ADGRD1: variants seen among roughly 807,000 people sequenced by gnomAD.
ADGRD1 encodes G-protein coupled receptor 133.
In ADGRD1, 77 loss-of-function variants were observed where a neutral mutation model predicts 113.4. The observed-to-expected ratio is 0.68, with a 90% CI of 0.57 to 0.82. The LOEUF (loss-of-function observed/expected upper bound fraction) is 0.82, where lower values mean the gene tolerates loss of function less well. Among genes scored for constraint, ADGRD1 ranks in the 40% least tolerant of loss-of-function variants. The pLI, the probability that ADGRD1 is intolerant of heterozygous loss-of-function variation, is 0.00. For synonymous variants in ADGRD1, 474 were observed against 475.0 expected (o/e 1.00, Z 0.03); for missense variants, 1,036 against 1,139.1 (o/e 0.91, Z 1.30).
chr12:131,018,996 C>G (rs970542155), intron 13 of ADGRD1, among the ~76,000 whole-genome samples: 16 of 152,202 alleles, frequency 1.1e-4, no homozygotes, highest in Non-Finnish European at 1.9e-4. Flanking sequence ...GACTCGTAGG[C>G]CTCCGGTTCA....
intron 13 of ADGRD1, among the ~76,000 whole-genome samples, chr12:131,031,467 C>T (rs1362262135): frequency 6.6e-6 from 1 of 152,088 alleles, no homozygotes; most frequent in Non-Finnish European, 1.5e-5. Context: ...AATGCAGTCC[C>T]TCACCCATGC....
In ADGRD1 at chr12:130,966,727, T is replaced by A; in HGVS notation, c.187+181T>A. On this transcript the variant is annotated intron_variant, in intron 3 of 24. Transcript: ENST00000261654. The surrounding 1 kb of genome is among the most constrained non-coding windows in gnomAD (Gnocchi z 4.6). Reference sequence around the variant, plus strand: ...GGGAGCAGATGTGGACACAATCTGCTTTGAAGCCACGGTGATAGAGATGAA... The same window carrying A: ...GGGAGCAGATGTGGACACAATCTGCATTGAAGCCACGGTGATAGAGATGAA... 1.7e-6 allele frequency: 1 copy of A among 599,926 alleles called. No individual in the cohort carries two copies. Among genetic ancestry groups the A allele is most frequent in the Admixed American group, 2.9e-5 (1 of 34,304 alleles). 37.2% of individuals were successfully genotyped at this position (599,926 alleles called of 1,614,324 possible).
At position 131,057,525 on chromosome 12, in the gene ADGRD1, A is replaced by G. The variant is rs1316758302; in HGVS notation, c.1474-19276A>G. On this transcript the variant is annotated intron_variant, in intron 13 of 24. Transcript: ENST00000261654. The surrounding 1 kb of genome is among the most constrained non-coding windows in gnomAD (Gnocchi z 4.2). The stretch of plus-strand genomic sequence containing the variant: ...TAGTTCGTTCTGGAGGCTCAGCGGG[A>G]ACGTCCACCCCTGCCTGTCTCCTAG... Among the ~76,000 whole-genome samples the G allele has an allele frequency of 6.6e-6, 1 of 152,096 alleles. No individual in the cohort carries two copies. The highest frequency in any genetic ancestry group is 6.6e-5 in the Admixed American group (1 of 15,266).
At chr12:131,138,058 T>G (rs777109755) in intron 23 of ADGRD1, 79 bp from the exon 24 acceptor site, 39 of 1,148,360 alleles carry the variant, frequency 3.4e-5, no homozygotes, top group Non-Finnish European at 5.0e-5. Flanking sequence ...GGTTCCGGAG[T>G]TGCACCGGCA....
intron 4 of ADGRD1, among the ~76,000 whole-genome samples, chr12:130,981,584 ACCTTGAGTGAATGAG>A (rs942464659): frequency 1.3e-5 from 2 of 152,116 alleles, no homozygotes; most frequent in Non-Finnish European, 2.9e-5. Context: ...GTCACTGGTG[ACCTTGAGTGAATGAG>A]CCTCAGTTCC....
At chr12:131,040,823 G>A (rs1882057517) in intron 13 of ADGRD1, among the ~76,000 whole-genome samples, 1 of 152,236 alleles carries the variant, frequency 6.6e-6, no homozygotes, top group African/African-American at 2.4e-5. Context: ...CCGGGCAGTG[G>A]TCTTTGCACC....
chr12:130,980,136 G>C (rs538203667), intron 4 of ADGRD1, among the ~76,000 whole-genome samples: 12 of 151,484 alleles, frequency 7.9e-5, no homozygotes, highest in African/African-American at 2.9e-4. Flanking sequence ...ACGGAGTCTC[G>C]CTCTGTCGCC....
At chr12:130,955,335 GCCTCAGAGTGCTGA>G (rs369767849) in intron 2 of ADGRD1, among the ~76,000 whole-genome samples, 173 of 152,192 alleles carry the variant, frequency 1.1e-3, no homozygotes, top group African/African-American at 4.0e-3. Flanking sequence ...GGGACCTCCA[GCCTCAGAGTGCTGA>G]CCAGCTTAGC....
intron 13 of ADGRD1, chr12:131,030,629 G>T (rs948763243): frequency 7.2e-5 from 11 of 152,262 alleles, no homozygotes; most frequent in Non-Finnish European, 1.5e-4. Context: ...GCACATCGGG[G>T]CAGGTGAGGG....
At chr12:131,132,112 C>T (rs1420337708) in intron 21 of ADGRD1, among the ~76,000 whole-genome samples, 2 of 152,166 alleles carry the variant, frequency 1.3e-5, no homozygotes, top group African/African-American at 4.8e-5. Context: ...GGGGCGGCAA[C>T]GGGGAAGATT....
chr12:131,067,140 C>T (rs1310861972), intron 13 of ADGRD1, among the ~76,000 whole-genome samples: 1 of 152,048 alleles, frequency 6.6e-6, no homozygotes, highest in African/African-American at 2.4e-5. Flanking sequence ...GACAGAGTGG[C>T]CACTAACTGA....
chr12:130,971,398 CT>C lies in ADGRD1; in HGVS notation c.188-58del. 6.8e-7 allele frequency: 1 copy of C among 1,477,004 alleles called. No individual in the cohort carries two copies. The highest frequency in any genetic ancestry group is 1.8e-5 in the Admixed American group (1 of 55,680). 91.5% of individuals were successfully genotyped at this position (1,477,004 alleles called of 1,614,324 possible). A position where few individuals can be genotyped will look rare whatever the true frequency, so the allele number is the denominator to read the frequency against. On this transcript the variant is annotated intron_variant, in intron 3 of 24. Transcript: ENST00000261654. This position sits in a 1 kb window ranked among gnomAD's most constrained non-coding sequence, Gnocchi z 4.2. ...AGTTATTTGTAGGTCTGACACACAT[CT>C]TCAGACTTTTAATCTCGGAAGGTTA... is the stretch of plus-strand genomic sequence containing the variant.
chr12:130,985,154 C>T (rs553411401), intron 5 of ADGRD1, among the ~76,000 whole-genome samples: 1 of 150,680 alleles, frequency 6.6e-6, no homozygotes, highest in African/African-American at 2.4e-5. Context: ...CCAGGCTGGT[C>T]TCAAACTCCT....
Position 131,035,201 on chromosome 12 carries a change from C to T in ADGRD1, c.1473+20861C>T, listed in dbSNP as rs1442847461. The T allele has an allele frequency of 3.3e-5, 5 of 153,078 alleles. No homozygotes were observed. In the East Asian group the frequency reaches 5.8e-4, roughly 18 times the overall value. 9.5% of individuals were successfully genotyped at this position (153,078 alleles called of 1,614,324 possible). ...CCCCTTCCTGGTCGCTCCTGGTCGT[C>T]GTCCTGTCTCAGCTCTGCTGCCTCT... On this transcript the variant is annotated intron_variant, in intron 13 of 24. Transcript: ENST00000261654.
intron 9 of ADGRD1, among the ~76,000 whole-genome samples, chr12:131,000,966 A>C (rs1876315960): frequency 6.6e-6 from 1 of 152,202 alleles, no homozygotes; most frequent in Admixed American, 6.5e-5. Context: ...CTAAGGCAAA[A>C]GAAATGCACG....
rs1165100634 is a variant in ADGRD1 at position 131,003,399 on chromosome 12, G to T, written c.1144+97G>T. 1.1e-6 allele frequency: 1 copy of T among 880,864 alleles called. No individual in the cohort carries two copies. Among genetic ancestry groups the T allele is most frequent in the Admixed American group, 1.7e-5 (1 of 57,328 alleles). 54.6% of individuals were successfully genotyped at this position (880,864 alleles called of 1,614,324 possible). ...TTTTACACCCTTAGCAGAGAGCCATGCTCTGTCTCCCTGACTGCTCTGCCT... is the reference window on the plus strand; with the variant it reads ...TTTTACACCCTTAGCAGAGAGCCATTCTCTGTCTCCCTGACTGCTCTGCCT... On this transcript the variant is annotated intron_variant, in intron 10 of 24. Coordinates refer to ENST00000261654, the MANE Select transcript of ADGRD1 (RefSeq NM_198827.5). This position sits in a 1 kb window ranked among gnomAD's most constrained non-coding sequence, Gnocchi z 4.8.
At chr12:131,129,843 C>G (rs1950866511) in intron 20 of ADGRD1, among the ~76,000 whole-genome samples, 1 of 152,264 alleles carries the variant, frequency 6.6e-6, no homozygotes, top group Non-Finnish European at 1.5e-5. Flanking sequence ...ATCTCCACCT[C>G]CCTCTCTGTG....
In ADGRD1 at chr12:130,981,897, T is replaced by C. The variant is rs74744169; in HGVS notation, c.324T>C (p.Ser108=). ...GACTTTCCTCAGGGGTCACGTTTTC[T>C]TTTTTCTGGAAGACACAAGGAGAAC... ...EQCGPEGVTF[S]FFWKTQGEQS... is the part of the protein sequence containing the mutation. The change falls in exon 5 of 25, where the codon TCT becomes TCC. Residue 108 remains serine, a synonymous_variant. Coordinates refer to ENST00000261654, the MANE Select transcript of ADGRD1 (RefSeq NM_198827.5). 538 of 1,611,406 alleles carry C rather than the reference T, an allele frequency of 3.3e-4. 1 individual carries two copies. In the African/African-American group the frequency reaches 6.6e-3, roughly 20 times the overall value.
At position 131,102,029 on chromosome 12, in the gene ADGRD1, G is replaced by C. The variant is rs185815038; in HGVS notation, c.1672-2802G>C. ...TGCCAAGTTGAACATAGCTGAACAG[G>C]GGGGTTTATTTTACCTGCAGAATCC... On this transcript the variant is annotated intron_variant, in intron 15 of 24. Transcript: ENST00000261654. Among the ~76,000 whole-genome samples the C allele has an allele frequency of 1.6e-3, 240 of 152,262 alleles. 4 individuals carry two copies. The highest frequency in any genetic ancestry group is 5.7e-3 in the African/African-American group (236 of 41,548).
Sources: allele counts gnomAD v4.1 joint callset (sites outside exome capture counted in the v4.1 genomes callset), GRCh38; gene constraint gnomAD v4.1.1; non-coding constraint Gnocchi (gnomAD v3.1); transcripts MANE v1.5; gene names NCBI Gene and HGNC (gene_info 2026-07-23, HGNC 2026-07-21).